STMN4: variants seen among roughly 807,000 people sequenced by gnomAD.
The protein encoded by STMN4 is stathmin 4.
In STMN4, 12 loss-of-function variants were observed where a neutral mutation model predicts 29.1. The observed-to-expected ratio is 0.41, with a 90% CI of 0.26 to 0.67. The LOEUF is 0.67. Ranked by LOEUF, STMN4 falls within the 30% of genes least tolerant of loss-of-function variation. STMN4 has a pLI of 0.30. For missense variants in STMN4, 181 were observed against 262.8 expected (o/e 0.69, Z 2.15); for synonymous variants, 114 against 105.3 (o/e 1.08, Z -0.51).
intron 1 of STMN4, among the ~76,000 whole-genome samples, chr8:27,256,196 A>G: frequency 6.6e-6 from 1 of 152,164 alleles, no homozygotes; most frequent in East Asian, 1.9e-4. Context: ...GGGATTTTCC[A>G]GGGGCTGGGG....
rs555972464 is a variant in STMN4 at position 27,236,791 on chromosome 8, C to A, written c.*55G>T. On this transcript the variant is annotated 3_prime_UTR_variant, in exon 7 of 7. Transcript: ENST00000350889. ...AGCCGGCGGGCGAGGCTGCCTGGAA[C>A]GTGGAGCTGCTGGAGCTGTCCGGCT... 9 of 1,498,054 alleles carry A rather than the reference C, an allele frequency of 6.0e-6. No individual in the cohort carries two copies. The Admixed American group carries it at 2.1e-4, about 34-fold the overall frequency. 92.8% of individuals were successfully genotyped at this position (1,498,054 alleles called of 1,614,324 possible).
intron 1 of STMN4, among the ~76,000 whole-genome samples, chr8:27,249,787 C>T (rs1443361913): frequency 4.6e-5 from 7 of 152,160 alleles, no homozygotes; most frequent in African/African-American, 1.4e-4. Context: ...TCAGATGACA[C>T]GTGGCCACCT....
At chr8:27,237,645 C>T (rs956218629) in intron 6 of STMN4, among the ~76,000 whole-genome samples, 2 of 152,196 alleles carry the variant, frequency 1.3e-5, no homozygotes, top group African/African-American at 2.4e-5. Flanking sequence ...TATAAGAGAA[C>T]CTTCTTTTAT....
chr8:27,235,340 G>C lies in STMN4; in HGVS notation c.*1506C>G, dbSNP rs1421105792. The C allele has an allele frequency of 6.5e-6, 1 of 154,658 alleles. No individual in the cohort carries two copies. Among genetic ancestry groups the C allele is most frequent in the East Asian group, 1.9e-4 (1 of 5,346 alleles). 9.6% of individuals were successfully genotyped at this position (154,658 alleles called of 1,614,324 possible). ...AAAGAAAAAAAGGCTATACCAAAGG[G>C]TTTATTTGCAAAGCTGTAAAAAACT... On this transcript the variant is annotated 3_prime_UTR_variant, in exon 7 of 7. Coordinates refer to ENST00000350889, the MANE Select transcript of STMN4 (RefSeq NM_030795.4).
chr8:27,248,330 C>A (rs1430084133), intron 1 of STMN4, among the ~76,000 whole-genome samples: 2 of 152,152 alleles, frequency 1.3e-5, no homozygotes, highest in Non-Finnish European at 2.9e-5. Flanking sequence ...GATGAGGTTA[C>A]TATGCAATTG....
rs1020822872 is a variant in STMN4, at chr8:27,236,214, C to A, written c.*632G>T. ...AATTAAGGAAGCAAAGGGGCATCTG[C>A]CATCAGATGGATGAAAGCCAGGTTT... is the stretch of plus-strand genomic sequence containing the variant. On this transcript the variant is annotated 3_prime_UTR_variant, in exon 7 of 7. Coordinates refer to ENST00000350889, the MANE Select transcript of STMN4 (RefSeq NM_030795.4). The A allele has an allele frequency of 7.9e-5, 12 of 152,318 alleles. No individual in the cohort carries two copies. Among genetic ancestry groups the A allele is most frequent in the African/African-American group, 2.9e-4 (12 of 41,540 alleles). The allele number at this position is 152,318 out of a possible 1,614,324, so 9.4% of individuals were successfully genotyped here. A position where few individuals can be genotyped will look rare whatever the true frequency, so the allele number is the denominator to read the frequency against.
At chr8:27,244,061 G>C (rs762736480) in intron 1 of STMN4, among the ~76,000 whole-genome samples, 1 of 152,142 alleles carries the variant, frequency 6.6e-6, no homozygotes, top group Non-Finnish European at 1.5e-5. Flanking sequence ...ACATGCAAGC[G>C]TGGGTTTCCC....
chr8:27,240,498 A>T (rs1277572451), intron 5 of STMN4, among the ~76,000 whole-genome samples: 1 of 152,276 alleles, frequency 6.6e-6, no homozygotes, highest in Non-Finnish European at 1.5e-5. Flanking sequence ...AGTCTCACAG[A>T]GGTAAGACAT....
Position 27,235,389 on chromosome 8 carries a change from G to A in STMN4, c.*1457C>T, listed in dbSNP as rs556812547. Reference sequence around the variant, plus strand: ...CTACACAGTGTGCAGAGCAGAGTGGGAAGAGGTCCTGGGACCCGGTTAACA... The same window carrying A: ...CTACACAGTGTGCAGAGCAGAGTGGAAAGAGGTCCTGGGACCCGGTTAACA... On this transcript the variant is annotated 3_prime_UTR_variant, in exon 7 of 7. Coordinates refer to ENST00000350889, the MANE Select transcript of STMN4 (RefSeq NM_030795.4). The A allele has an allele frequency of 1.4e-4, 22 of 152,822 alleles. No homozygotes were observed. The highest frequency in any genetic ancestry group is 5.3e-4 in the African/African-American group (22 of 41,574). 9.5% of individuals were successfully genotyped at this position (152,822 alleles called of 1,614,324 possible). A position where few individuals can be genotyped will look rare whatever the true frequency, so the allele number is the denominator to read the frequency against.
At chr8:27,244,056 C>A (rs1186391532) in intron 1 of STMN4, among the ~76,000 whole-genome samples, 1 of 152,196 alleles carries the variant, frequency 6.6e-6, no homozygotes, top group Admixed American at 6.5e-5. Context: ...CTAGCACATG[C>A]AAGCGTGGGT....
Position 27,243,817 on chromosome 8 carries a change from G to C in STMN4, c.-78-16C>G, listed in dbSNP as rs1411519544. 6.2e-7 allele frequency: 1 copy of C among 1,610,762 alleles called. No homozygotes were observed. Among genetic ancestry groups the C allele is most frequent in the African/African-American group, 1.3e-5 (1 of 74,852 alleles). On this transcript the variant is annotated splice_polypyrimidine_tract_variant and intron_variant, in intron 1 of 6. Transcript: ENST00000350889. ...TGTCACCAACCTGAGAAAAGGGGAG[G>C]ACAGGATTTTACCATCGATGGATTA...
chr8:27,257,219 C>T (rs752856580), intron 1 of STMN4, among the ~76,000 whole-genome samples: 1 of 152,128 alleles, frequency 6.6e-6, no homozygotes, highest in East Asian at 1.9e-4. Flanking sequence ...GATCTCATTC[C>T]CCTAGCACCC....
chr8:27,243,949 G>C, intron 1 of STMN4, 148 bp from the exon 2 acceptor site: 2 of 679,298 alleles, frequency 2.9e-6, no homozygotes, highest in Non-Finnish European at 5.0e-6. Flanking sequence ...CTCCCTGGGG[G>C]TCCCCTACCC....
Position 27,243,790 on chromosome 8 carries a change from G to C in STMN4, c.-67C>G. 6.2e-7 allele frequency: 1 copy of C among 1,614,008 alleles called. No individual in the cohort carries two copies. Reference sequence around the variant, plus strand: ...AGTGGGTCTGTCACCAGCTTGGGACGCTGTCACCAACCTGAGAAAAGGGGA... The same window carrying C: ...AGTGGGTCTGTCACCAGCTTGGGACCCTGTCACCAACCTGAGAAAAGGGGA... On this transcript the variant is annotated 5_prime_UTR_variant, in exon 2 of 7. Coordinates refer to ENST00000350889, the MANE Select transcript of STMN4 (RefSeq NM_030795.4).
chr8:27,250,845 C>G (rs1224227578), intron 1 of STMN4, among the ~76,000 whole-genome samples: 1 of 152,206 alleles, frequency 6.6e-6, no homozygotes, highest in African/African-American at 2.4e-5. Context: ...TTAGCACTAA[C>G]AGCTATGTTA....
At chr8:27,257,270 C>G (rs1382846105) in intron 1 of STMN4, among the ~76,000 whole-genome samples, 1 of 152,128 alleles carries the variant, frequency 6.6e-6, no homozygotes, top group African/African-American at 2.4e-5. Flanking sequence ...GGCGGGGGCT[C>G]AGCCTCAGGT....
Position 27,236,282 on chromosome 8 carries a change from T to C in STMN4, c.*564A>G, listed in dbSNP as rs973057459. On this transcript the variant is annotated 3_prime_UTR_variant, in exon 7 of 7. Transcript: ENST00000350889. ...TTACCCAAAGGACACATTTGGGAAA[T>C]AAAGAACTGGACACTTGGAGTCAAT... 1 of 152,298 alleles carries C rather than the reference T, an allele frequency of 6.6e-6. No individual in the cohort carries two copies. Among genetic ancestry groups the C allele is most frequent in the African/African-American group, 2.4e-5 (1 of 41,440 alleles). The allele number at this position is 152,298 out of a possible 1,614,324, so 9.4% of individuals were successfully genotyped here. A position where few individuals can be genotyped will look rare whatever the true frequency, so the allele number is the denominator to read the frequency against.
At chr8:27,252,097 G>A (rs1801806597) in intron 1 of STMN4, among the ~76,000 whole-genome samples, 1 of 151,730 alleles carries the variant, frequency 6.6e-6, no homozygotes, top group Non-Finnish European at 1.5e-5. Context: ...TACTGAGAAT[G>A]ATGATTTCCA....
intron 1 of STMN4, among the ~76,000 whole-genome samples, chr8:27,254,672 ATG>A (rs1176139903): frequency 7.3e-6 from 1 of 136,882 alleles, no homozygotes; most frequent in African/African-American, 2.8e-5. Flanking sequence ...GTGGGGGTTC[ATG>A]TGTGTGTAGG....
Sources: allele counts gnomAD v4.1 joint callset (sites outside exome capture counted in the v4.1 genomes callset), GRCh38; gene constraint gnomAD v4.1.1; transcripts MANE v1.5; gene names NCBI Gene and HGNC (gene_info 2026-07-23, HGNC 2026-07-21).